The following RALGAPA1 variants were observed in gnomAD, a reference collection of about 807,000 sequenced individuals.
The protein encoded by RALGAPA1 is Ral GTPase activating protein catalytic subunit alpha 1.
A neutral mutation model predicts 269.6 loss-of-function variants in RALGAPA1; 52 were observed. The ratio of observed to expected loss-of-function variants is 0.19; its 90% CI spans 0.15 to 0.24. RALGAPA1 has a LOEUF of 0.24. RALGAPA1 is among the 10% of genes least tolerant of loss of function. The probability of loss-of-function intolerance (pLI) is 1.00; values close to 1 mark genes in which losing one functional copy is unlikely to be tolerated. For synonymous variants in RALGAPA1, 817 were observed against 1,008.3 expected (o/e 0.81, Z 3.60); for missense variants, 1,917 against 3,013.9 (o/e 0.64, Z 8.52).
chr14:35,797,351 C>CAAAAAAAAAAAAAAAAAAAAAAAAAA (rs530576211), intron 1 of RALGAPA1, among the ~76,000 whole-genome samples: 2 of 60,134 alleles, frequency 3.3e-5, no homozygotes, highest in African/African-American at 1.5e-4. Context: ...GACTCCGTCT[C>CAAAAAAAAAAAAAAAAAAAAAAAAAA]AAAAAAAAAA....
At chr14:35,612,541 C>CTTT (rs71124709) in intron 35 of RALGAPA1, among the ~76,000 whole-genome samples, 3 of 139,888 alleles carry the variant, frequency 2.1e-5, no homozygotes, top group Admixed American at 1.5e-4. Flanking sequence ...TCTTCTTCTT[C>CTTT]TTTTTTTTTT....
chr14:35,724,429 GT>G (rs2069705466), intron 14 of RALGAPA1, among the ~76,000 whole-genome samples: 2 of 151,812 alleles, frequency 1.3e-5, no homozygotes, highest in Admixed American at 1.3e-4. Flanking sequence ...AAAATTTTTT[GT>G]TTTCTTTTTT....
At chr14:35,551,746 AAG>A (rs2055032045) in intron 39 of RALGAPA1, among the ~76,000 whole-genome samples, 1 of 152,138 alleles carries the variant, frequency 6.6e-6, no homozygotes, top group Non-Finnish European at 1.5e-5. Context: ...TCCTTATACA[AAG>A]AGGCTTATAA....
At chr14:35,698,642 T>G (rs2067093401) in intron 17 of RALGAPA1, among the ~76,000 whole-genome samples, 1 of 152,276 alleles carries the variant, frequency 6.6e-6, no homozygotes, top group East Asian at 1.9e-4. Context: ...ATGTCAAGAA[T>G]GGTTTGCATT....
At chr14:35,724,961 A>G (rs1595332586) in intron 14 of RALGAPA1, 63 bp downstream of exon 14, 1 of 1,261,200 alleles carries the variant, frequency 7.9e-7, no homozygotes, top group Non-Finnish European at 1.0e-6. Context: ...CAAACAAACA[A>G]CAAAACAAAA....
intron 2 of RALGAPA1, 100 bp downstream of exon 2, chr14:35,775,535 A>C: frequency 7.1e-7 from 1 of 1,416,756 alleles, no homozygotes; most frequent in Non-Finnish European, 9.2e-7. Flanking sequence ...AAGCTGTCCG[A>C]CAAAAATAAG....
chr14:35,801,780 A>G (rs1328030400), intron 1 of RALGAPA1, among the ~76,000 whole-genome samples: 4 of 152,138 alleles, frequency 2.6e-5, no homozygotes, highest in Non-Finnish European at 5.9e-5. Context: ...CAAAAAACCT[A>G]CAGTTAGGAT....
intron 36 of RALGAPA1, among the ~76,000 whole-genome samples, chr14:35,599,913 A>C (rs1594763175): frequency 6.6e-6 from 1 of 152,196 alleles, no homozygotes; most frequent in East Asian, 1.9e-4. Context: ...TGCTTTCAAG[A>C]ATTTTTGTCT....
At chr14:35,543,817 G>GT (rs1351908943) in intron 41 of RALGAPA1, among the ~76,000 whole-genome samples, 1 of 152,022 alleles carries the variant, frequency 6.6e-6, no homozygotes, top group African/African-American at 2.4e-5. Flanking sequence ...TAATTTTTGT[G>GT]TTTTTAGTAG....
Position 35,651,851 on chromosome 14 carries a change from T to C in RALGAPA1, c.5630A>G (p.His1877Arg). The change falls in exon 31 of 42, where the codon CAT becomes CGT. Residue 1877 changes from histidine (H) to arginine (R), a missense_variant. By Grantham distance (29) the His-to-Arg change is conservative. This residue lies in a region of RALGAPA1 where 346 missense variants were observed against 566.1 expected (regional missense o/e 0.61). Coordinates refer to ENST00000680220, the MANE Select transcript of RALGAPA1 (RefSeq NM_001346249.2). ...TGAAGCCTCTGTACTTGGTAAAAGA[T>C]GGGTGATGGTAGCTATTAGGATCTG... ...IIQILIATIT[H>R]LLPSTEASSY... The C allele has an allele frequency of 1.9e-6, 3 of 1,604,430 alleles. No individual in the cohort carries two copies. Among genetic ancestry groups the C allele is most frequent in the South Asian group, 1.1e-5 (1 of 88,770 alleles).
At chr14:35,578,921 A>C (rs969027790) in intron 37 of RALGAPA1, among the ~76,000 whole-genome samples, 1 of 152,210 alleles carries the variant, frequency 6.6e-6, no homozygotes, top group East Asian at 1.9e-4. Context: ...CATGACCTTG[A>C]TATTCTAGTG....
intron 16 of RALGAPA1, among the ~76,000 whole-genome samples, chr14:35,718,302 AT>A (rs953153307): frequency 1.3e-5 from 2 of 152,068 alleles, no homozygotes; most frequent in African/African-American, 2.4e-5. Flanking sequence ...ACTTAAAGGA[AT>A]TTTTTTTCAT....
intron 29 of RALGAPA1, among the ~76,000 whole-genome samples, chr14:35,654,957 T>A (rs1300042829): frequency 1.3e-5 from 2 of 152,162 alleles, no homozygotes; most frequent in Non-Finnish European, 2.9e-5. Flanking sequence ...TTTCCAGTCT[T>A]CTCTGATAAC....
At chr14:35,744,647 C>T (rs945268066) in intron 10 of RALGAPA1, among the ~76,000 whole-genome samples, 1 of 152,102 alleles carries the variant, frequency 6.6e-6, no homozygotes, top group African/African-American at 2.4e-5. Flanking sequence ...CTTTTATTTG[C>T]TATTATTAAT....
rs989248813 is a variant in RALGAPA1 at position 35,784,483 on chromosome 14, T to C, written c.107-8738A>G. Among the ~76,000 whole-genome samples, 3 of 152,096 alleles carry C rather than the reference T, an allele frequency of 2.0e-5. No individual in the cohort carries two copies. In the South Asian group the frequency reaches 6.2e-4, roughly 32 times the overall value. The stretch of plus-strand genomic sequence containing the variant: ...GGAAGTAAGGAGAAATGGGGAGTGA[T>C]TGCTAAAAGGTATGAGTTTCCGTTT... On this transcript the variant is annotated intron_variant, in intron 1 of 41. Transcript: ENST00000680220.
chr14:35,570,429 G>A (rs529419785), intron 39 of RALGAPA1, among the ~76,000 whole-genome samples, 188 bp downstream of exon 39: 16 of 152,184 alleles, frequency 1.1e-4, no homozygotes, highest in African/African-American at 3.6e-4. Context: ...GGCTGACCAA[G>A]GTGGGACAAT....
chr14:35,799,517 G>A (rs1266213436), intron 1 of RALGAPA1, among the ~76,000 whole-genome samples: 2 of 150,634 alleles, frequency 1.3e-5, no homozygotes, highest in East Asian at 1.9e-4. Context: ...AGCCAAGATC[G>A]TACCACTGCA....
intron 37 of RALGAPA1, among the ~76,000 whole-genome samples, chr14:35,587,820 AAC>A (rs2058399293): frequency 1.3e-5 from 2 of 152,232 alleles, no homozygotes; most frequent in Admixed American, 1.3e-4. Flanking sequence ...ATACATATGT[AAC>A]AAAGCTGCAC....
intron 1 of RALGAPA1, among the ~76,000 whole-genome samples, chr14:35,804,880 G>T (rs973972347): frequency 6.6e-6 from 1 of 152,082 alleles, no homozygotes; most frequent in Admixed American, 6.6e-5. Context: ...AATGAGCCAC[G>T]TTTGCAACAC....
Sources: gnomAD v4.1 joint callset for allele counts (sites outside exome capture counted in the v4.1 genomes callset) on GRCh38, gnomAD v4.1.1 for gene constraint, gnomAD v4.1.1 regional missense constraint, MANE v1.5 for transcripts, NCBI Gene and HGNC (gene_info 2026-07-23, HGNC 2026-07-21) for gene names.